Variants in VPS26A observed in about 807,000 individuals in gnomAD.
VPS26A encodes the protein vacuolar protein sorting-associated protein 26A.
VPS26A carries 22 observed loss-of-function variants against 42.4 expected under a neutral mutation model. The ratio of observed to expected loss-of-function variants is 0.52; its 90% CI spans 0.37 to 0.74. The LOEUF (loss-of-function observed/expected upper bound fraction) is 0.74. Ranked by LOEUF, VPS26A falls within the 30% of genes least tolerant of loss-of-function variation. VPS26A has a pLI of 0.00. For synonymous variants in VPS26A, 110 were observed against 123.5 expected, an observed-to-expected ratio of 0.89 and a Z score of 0.73; for missense variants, 276 against 379.2, an observed-to-expected ratio of 0.73 and a Z score of 2.26.
At chr10:69,140,111 A>G (rs1292635905) in intron 2 of VPS26A, among the ~76,000 whole-genome samples, 1 of 151,304 alleles carries the variant, frequency 6.6e-6, no homozygotes. Context: ...TCTGTTGCCC[A>G]GGCTGGAATG....
chr10:69,149,692 T>C (rs958204019), intron 2 of VPS26A, among the ~76,000 whole-genome samples: 1 of 149,874 alleles, frequency 6.7e-6, no homozygotes, highest in East Asian at 2.0e-4. Flanking sequence ...TTGATAGAAT[T>C]TGAATATAGA....
intron 2 of VPS26A, among the ~76,000 whole-genome samples, chr10:69,145,335 T>TA (rs1457022242): frequency 4.1e-4 from 62 of 152,294 alleles, no homozygotes; most frequent in Non-Finnish European, 2.4e-4. Flanking sequence ...ACACCCGGCC[T>TA]AAATTTTATT....
intron 1 of VPS26A, among the ~76,000 whole-genome samples, chr10:69,126,644 T>A (rs1840660982): frequency 1.3e-5 from 2 of 152,168 alleles, no homozygotes; most frequent in Admixed American, 1.3e-4. Context: ...AATTTTATTC[T>A]CTTTCCTTCT....
At chr10:69,163,797 G>A (rs1447300326) in intron 6 of VPS26A, among the ~76,000 whole-genome samples, 40 of 136,552 alleles carry the variant, frequency 2.9e-4, no homozygotes, top group African/African-American at 9.1e-4. Flanking sequence ...ACGGAGTCTC[G>A]CTCTGTGGCC....
At chr10:69,147,392 A>G (rs1405758501) in intron 2 of VPS26A, among the ~76,000 whole-genome samples, 2 of 151,986 alleles carry the variant, frequency 1.3e-5, no homozygotes, top group Non-Finnish European at 2.9e-5. Context: ...TTGCAGTGCA[A>G]AAGTTTTACA....
intron 2 of VPS26A, among the ~76,000 whole-genome samples, chr10:69,134,237 C>T (rs993401793): frequency 6.6e-5 from 10 of 152,184 alleles, no homozygotes; most frequent in South Asian, 2.1e-4. Context: ...CTCTAATCTC[C>T]GCATTAATTG....
chr10:69,153,717 T>C (rs1841370827), intron 2 of VPS26A, among the ~76,000 whole-genome samples: 1 of 152,080 alleles, frequency 6.6e-6, no homozygotes, highest in Non-Finnish European at 1.5e-5. Context: ...AGTTATAAAT[T>C]TGGCTGGGTA....
chr10:69,153,538 C>T (rs868557514), intron 2 of VPS26A, among the ~76,000 whole-genome samples: 14 of 146,692 alleles, frequency 9.5e-5, no homozygotes, highest in Middle Eastern at 3.2e-3. Flanking sequence ...TTAGTAGAGA[C>T]GGAGCCTTGC....
intron 3 of VPS26A, among the ~76,000 whole-genome samples, chr10:69,156,643 A>T (rs1393794227): frequency 3.3e-5 from 5 of 152,096 alleles, no homozygotes; most frequent in Admixed American, 6.6e-5. Context: ...TGTGTTTTGT[A>T]ATTTTATGAA....
At chr10:69,169,775 A>C (rs1293055974) in intron 8 of VPS26A, among the ~76,000 whole-genome samples, 3 of 146,810 alleles carry the variant, frequency 2.0e-5, no homozygotes, top group African/African-American at 7.6e-5. Flanking sequence ...CACCCGGCTA[A>C]TTTTTCTATT....
intron 1 of VPS26A, among the ~76,000 whole-genome samples, chr10:69,128,894 G>A (rs1196597621): frequency 6.6e-6 from 1 of 151,190 alleles, no homozygotes; most frequent in Non-Finnish European, 1.5e-5. Flanking sequence ...TACTTGGGAG[G>A]CTTGAGGTGG....
At position 69,171,382 on chromosome 10, in the gene VPS26A, A is replaced by G. The variant is rs1196770824; in HGVS notation, c.*113A>G. 1 of 769,132 alleles carries G rather than the reference A, an allele frequency of 1.3e-6. No homozygotes were observed. Among genetic ancestry groups the G allele is most frequent in the Non-Finnish European group, 2.2e-6 (1 of 464,372 alleles). The allele number at this position is 769,132 out of a possible 1,614,324, so 47.6% of individuals were successfully genotyped here. ...GGGCGGAAAAAGGCCAAAACTCCATATATGTTAGTCTTCCTTTATCTTACA... is the reference window on the plus strand; with the variant it reads ...GGGCGGAAAAAGGCCAAAACTCCATGTATGTTAGTCTTCCTTTATCTTACA... On this transcript the variant is annotated 3_prime_UTR_variant, in exon 9 of 9. Coordinates refer to ENST00000263559, the MANE Select transcript of VPS26A (RefSeq NM_004896.5).
At chr10:69,158,365 G>A (rs1204483121) in intron 5 of VPS26A, among the ~76,000 whole-genome samples, 154 bp downstream of exon 5, 4 of 152,160 alleles carry the variant, frequency 2.6e-5, no homozygotes, top group Admixed American at 6.5e-5. Context: ...TAGGAGTTTG[G>A]TCTGGTTTCC....
At chr10:69,156,585 C>T (rs917741399) in intron 3 of VPS26A, among the ~76,000 whole-genome samples, 1 of 152,010 alleles carries the variant, frequency 6.6e-6, no homozygotes, top group Non-Finnish European at 1.5e-5. Flanking sequence ...CATGTCTATT[C>T]TGACTGAGAG....
intron 2 of VPS26A, among the ~76,000 whole-genome samples, chr10:69,140,023 C>T (rs2132199957): frequency 6.6e-6 from 1 of 150,880 alleles, no homozygotes; most frequent in South Asian, 2.1e-4. Context: ...GGGATTTGAC[C>T]TTGATATATT....
intron 2 of VPS26A, among the ~76,000 whole-genome samples, chr10:69,151,619 C>G (rs918377653): frequency 6.6e-6 from 1 of 152,136 alleles, no homozygotes; most frequent in African/African-American, 2.4e-5. Flanking sequence ...TTAAAAGCAA[C>G]TGTGTTTTAA....
intron 1 of VPS26A, among the ~76,000 whole-genome samples, chr10:69,132,547 A>G (rs1459243161): frequency 6.6e-6 from 1 of 151,416 alleles, no homozygotes; most frequent in African/African-American, 2.4e-5. Context: ...GATTCAAGTG[A>G]TTCCCCTGTC....
chr10:69,140,564 G>A (rs1841019121), intron 2 of VPS26A, among the ~76,000 whole-genome samples: 1 of 150,730 alleles, frequency 6.6e-6, no homozygotes, highest in Admixed American at 6.6e-5. Flanking sequence ...TGGTATTTTG[G>A]GGTAGATACG....
intron 1 of VPS26A, among the ~76,000 whole-genome samples, chr10:69,124,576 C>A (rs1027210844): frequency 6.6e-6 from 1 of 152,196 alleles, no homozygotes; most frequent in African/African-American, 2.4e-5. Flanking sequence ...TCGGACCCCG[C>A]CTCTGCGGGG....
Sources: gnomAD v4.1 joint callset for allele counts (sites outside exome capture counted in the v4.1 genomes callset) on GRCh38, gnomAD v4.1.1 for gene constraint, MANE v1.5 for transcripts, NCBI Gene and HGNC (gene_info 2026-07-23, HGNC 2026-07-21) for gene names.